Variants in TRIOBP observed in about 807,000 individuals in gnomAD.
TRIOBP encodes the protein TRIO and F-actin-binding protein.
TRIOBP carries 169 observed loss-of-function variants against 238.8 expected under a neutral mutation model. That is an observed-to-expected ratio of 0.71 (90% CI 0.62 to 0.80). The LOEUF (loss-of-function observed/expected upper bound fraction) is 0.80, where lower values mean the gene tolerates loss of function less well. TRIOBP is among the 30% of genes least tolerant of loss of function. The pLI, the probability that TRIOBP is intolerant of heterozygous loss-of-function variation, is 0.00. For synonymous variants in TRIOBP, 1,150 were observed against 1,274.4 expected, an observed-to-expected ratio of 0.90 and a Z score of 2.08; for missense variants, 2,838 against 3,122.6, an observed-to-expected ratio of 0.91 and a Z score of 2.17.
intron 3 of TRIOBP, 41 bp from the exon 4 acceptor site, chr22:37,710,386 C>A (rs760061129): frequency 6.2e-7 from 1 of 1,610,738 alleles, no homozygotes; most frequent in South Asian, 1.1e-5. Context: ...GGAGCCCCCA[C>A]GTGGGCGCTG....
At chr22:37,762,816 A>C (rs1357264288) in intron 17 of TRIOBP, among the ~76,000 whole-genome samples, 7 of 152,112 alleles carry the variant, frequency 4.6e-5, no homozygotes, top group African/African-American at 1.4e-4. Flanking sequence ...CCCAGCTGGT[A>C]TCTCGGGCTG....
In TRIOBP at chr22:37,757,737, G is replaced by T; in HGVS notation, c.5812G>T (p.Gly1938Trp). 1 of 1,571,252 alleles carries T rather than the reference G, an allele frequency of 6.4e-7. No homozygotes were observed. The highest frequency in any genetic ancestry group is 8.6e-7 in the Non-Finnish European group (1 of 1,159,468). The change falls in exon 16 of 24, where the codon GGG (glycine) becomes TGG (tryptophan). Residue 1938 changes from glycine to tryptophan, a missense_variant. Around this residue, in one of 5 missense-constraint regions of TRIOBP, gnomAD observed 2,096 missense variants for 2,137.4 expected, o/e 0.98. Coordinates refer to ENST00000644935, the MANE Select transcript of TRIOBP (RefSeq NM_001039141.3). ...CCGGGGTGGCCCTCGGAAGGCGGAC[G>T]GGCAGCGTCAGGCCTTGGACTACGT... ...ISRGGPRKAD[G>W]QRQALDYVEL...
intron 17 of TRIOBP, 128 bp downstream of exon 17, chr22:37,759,392 G>A (rs371260236): frequency 1.9e-5 from 24 of 1,264,642 alleles, no homozygotes; most frequent in East Asian, 4.6e-5. Context: ...TTTGACATGC[G>A]TCATCTCATT....
chr22:37,746,232 A>T, intron 11 of TRIOBP: 1 of 1,080,920 alleles, frequency 9.3e-7, no homozygotes, highest in African/African-American at 1.7e-5. Flanking sequence ...AAAAAAAAAA[A>T]GTTTTATGGG....
At chr22:37,723,098 C>A in intron 6 of TRIOBP, 87 bp from the exon 7 acceptor site, 1 of 1,407,504 alleles carries the variant, frequency 7.1e-7, no homozygotes, top group Non-Finnish European at 9.8e-7. Context: ...TTGCCCTAAT[C>A]ACTGGTCCTA....
chr22:37,764,500 TA>T (rs1246141109), intron 17 of TRIOBP, among the ~76,000 whole-genome samples: 5 of 152,194 alleles, frequency 3.3e-5, no homozygotes, highest in Non-Finnish European at 5.9e-5. Context: ...GTTCCCCTGA[TA>T]GGGATTTAGA....
At chr22:37,734,156 G>A (rs988539224) in intron 8 of TRIOBP, among the ~76,000 whole-genome samples, 1 of 152,236 alleles carries the variant, frequency 6.6e-6, no homozygotes, top group African/African-American at 2.4e-5. Flanking sequence ...ATCTTTGAGA[G>A]GGGTGAGAAG....
intron 16 of TRIOBP, 61 bp from the exon 17 acceptor site, chr22:37,759,093 C>G: frequency 7.0e-7 from 1 of 1,420,944 alleles, no homozygotes; most frequent in Non-Finnish European, 9.7e-7. Flanking sequence ...GGGCTCCTCA[C>G]TGCCTTCCAC....
chr22:37,764,690 C>T (rs1393316345), intron 17 of TRIOBP, among the ~76,000 whole-genome samples: 1 of 152,186 alleles, frequency 6.6e-6, no homozygotes, highest in Non-Finnish European at 1.5e-5. Flanking sequence ...ACCGTTGTGG[C>T]GGACACTCCC....
At position 37,734,462 on chromosome 22, in the gene TRIOBP, C is replaced by G; in HGVS notation, c.4126C>G (p.Pro1376Ala). 7 of 1,613,076 alleles carry G rather than the reference C, an allele frequency of 4.3e-6. No homozygotes were observed. Among genetic ancestry groups the G allele is most frequent in the Non-Finnish European group, 5.9e-6 (7 of 1,179,860 alleles). ...GCGGAGCCAAGCAGAGCCCCCTCAT[C>G]CTTGGAGTCCTGAGAAGAGACCTGA... is the stretch of plus-strand genomic sequence containing the variant. ...TRRSQAEPPH[P>A]WSPEKRPEGD... The change falls in exon 9 of 24, where the codon CCT (proline) becomes GCT (alanine). Residue 1376 changes from proline to alanine, a missense_variant. By Grantham distance (27) the Pro-to-Ala change is conservative (BLOSUM62 -1). Transcript: ENST00000644935.
intron 11 of TRIOBP, among the ~76,000 whole-genome samples, chr22:37,743,145 T>C (rs564524385): frequency 6.6e-6 from 1 of 152,100 alleles, no homozygotes; most frequent in Non-Finnish European, 1.5e-5. Context: ...TTGGCTACAG[T>C]GGTTCTCTCA....
At chr22:37,764,456 C>G (rs1926387777) in intron 17 of TRIOBP, among the ~76,000 whole-genome samples, 1 of 152,248 alleles carries the variant, frequency 6.6e-6, no homozygotes, top group South Asian at 2.1e-4. Flanking sequence ...GCCTGTGTCC[C>G]ATTGTCAAGC....
In TRIOBP at chr22:37,765,805, G is replaced by A; in HGVS notation, c.6460G>A (p.Ala2154Thr). The stretch of plus-strand genomic sequence containing the variant: ...GTGGCTCCTGGCTGAGGAGACGGCA[G>A]CCACGGCCTCAGGTATGGACCCTGG... Reference protein sequence around the residue: ...KEWLLAEETAATASAIEAMKK... With the variant: ...KEWLLAEETATTASAIEAMKK... Residue 2154 changes from alanine to threonine, a missense_variant, in exon 18 of 24, where the codon GCC (alanine) becomes ACC (threonine). Ala to Thr is a moderately conservative substitution (Grantham distance 58, BLOSUM62 0). Transcript: ENST00000644935. The A allele has an allele frequency of 6.3e-7, 1 of 1,576,668 alleles. No homozygotes were observed. Among genetic ancestry groups the A allele is most frequent in the Non-Finnish European group, 8.6e-7 (1 of 1,169,354 alleles).
At chr22:37,720,721 C>G (rs1175246803) in intron 6 of TRIOBP, among the ~76,000 whole-genome samples, 1 of 152,072 alleles carries the variant, frequency 6.6e-6, no homozygotes, top group Non-Finnish European at 1.5e-5. Context: ...CTATGTTGCC[C>G]AGGCTGGTCT....
chr22:37,728,611 A>C (rs1924287890), intron 7 of TRIOBP, among the ~76,000 whole-genome samples: 1 of 152,134 alleles, frequency 6.6e-6, no homozygotes. Flanking sequence ...ATTGAGCAGA[A>C]AGTGCAGTGT....
intron 9 of TRIOBP, among the ~76,000 whole-genome samples, chr22:37,735,711 G>A (rs1460660399): frequency 1.3e-5 from 2 of 152,248 alleles, no homozygotes; most frequent in East Asian, 1.9e-4. Flanking sequence ...TAGCAACCAG[G>A]TGAGAAATAC....
chr22:37,700,489 C>T (rs1922590630), intron 2 of TRIOBP, among the ~76,000 whole-genome samples: 1 of 151,320 alleles, frequency 6.6e-6, no homozygotes, highest in African/African-American at 2.4e-5. Context: ...AGTCATGGCT[C>T]ACTGCAGCCT....
chr22:37,738,627 T>C lies in TRIOBP; in HGVS notation c.5107-15T>C. The stretch of plus-strand genomic sequence containing the variant: ...AATAAGTTGGGCTAAGCTGTGTTCT[T>C]TTTTTAATCTCCAGTTCCAACCAGA... On this transcript the variant is annotated splice_polypyrimidine_tract_variant and intron_variant, in intron 9 of 23. Transcript: ENST00000644935. 1 of 1,613,512 alleles carries C rather than the reference T, an allele frequency of 6.2e-7. No homozygotes were observed. Among genetic ancestry groups the C allele is most frequent in the South Asian group, 1.1e-5 (1 of 91,032 alleles).
intron 11 of TRIOBP, chr22:37,751,554 T>G: frequency 5.0e-6 from 3 of 594,878 alleles, no homozygotes; most frequent in Non-Finnish European, 9.1e-6. Flanking sequence ...TTCTTGGCTC[T>G]CTGAGTGCCA....
Sources: allele counts gnomAD v4.1 joint callset (sites outside exome capture counted in the v4.1 genomes callset), GRCh38; gene constraint gnomAD v4.1.1; regional missense constraint gnomAD v4.1.1; transcripts MANE v1.5; gene names NCBI Gene and HGNC (gene_info 2026-07-23, HGNC 2026-07-21).